FBXO3: variants seen among roughly 807,000 people sequenced by gnomAD.
The protein encoded by FBXO3 is F-box only protein 3.
In FBXO3, 17 loss-of-function variants were observed where a neutral mutation model predicts 64.8. The observed-to-expected ratio is 0.26, with a 90% confidence interval of 0.18 to 0.39. FBXO3 has a LOEUF of 0.39. Among genes scored for constraint, FBXO3 ranks in the 10% least tolerant of loss-of-function variants. FBXO3 has a pLI of 1.00. For missense variants in FBXO3, 420 were observed against 589.9 expected (o/e 0.71, Z 2.98); for synonymous variants, 182 against 201.6 (o/e 0.90, Z 0.82).
At chr11:33,752,989 C>G (rs1855001757) in intron 6 of FBXO3, 1 of 152,102 alleles carries the variant, frequency 6.6e-6, no homozygotes, top group Non-Finnish European at 1.5e-5. Flanking sequence ...CTGACAGATT[C>G]CAGGTTTCTT....
intron 10 of FBXO3, chr11:33,746,099 A>AAAGTTGCTCCT: frequency 6.6e-6 from 1 of 152,372 alleles, no homozygotes; most frequent in South Asian, 2.1e-4. Context: ...TATTAAAGAA[A>AAAGTTGCTCCT]TTAAATTCAA....
intron 7 of FBXO3, among the ~76,000 whole-genome samples, chr11:33,751,072 T>A (rs1210685239): frequency 6.6e-6 from 1 of 152,190 alleles, no homozygotes; most frequent in Non-Finnish European, 1.5e-5. Flanking sequence ...GTATAATCAA[T>A]CTATCATTTC....
intron 1 of FBXO3, chr11:33,773,439 C>T (rs1224162266): frequency 1.3e-5 from 2 of 152,240 alleles, no homozygotes; most frequent in Non-Finnish European, 2.9e-5. Context: ...AGGGCACAAT[C>T]ATCAAATGGC....
Position 33,762,811 on chromosome 11 carries a change from T to G in FBXO3, c.359-4210A>C, listed in dbSNP as rs76643261. On this transcript the variant is annotated intron_variant, in intron 3 of 10. Coordinates refer to ENST00000265651, the MANE Select transcript of FBXO3 (RefSeq NM_012175.4). Reference sequence around the variant, plus strand: ...TAAAAAACAAACATACAGTAAAGGATTGGCAAAGGCAAAAGCCAGCTCTTT... The same window carrying G: ...TAAAAAACAAACATACAGTAAAGGAGTGGCAAAGGCAAAAGCCAGCTCTTT... Among the ~76,000 whole-genome samples the G allele has an allele frequency of 4.9e-3, 744 of 150,752 alleles. 7 individuals are homozygous for G. The highest frequency in any genetic ancestry group is 9.0e-3 in the Non-Finnish European group (607 of 67,782).
chr11:33,747,778 C>A (rs1854853405), intron 9 of FBXO3, among the ~76,000 whole-genome samples: 4 of 151,576 alleles, frequency 2.6e-5, no homozygotes, highest in African/African-American at 7.3e-5. Flanking sequence ...TCCCAAAGTT[C>A]TGGGATATCA....
chr11:33,769,064 C>T (rs781724940), intron 2 of FBXO3, 50 bp from the exon 3 acceptor site: 20 of 1,459,510 alleles, frequency 1.4e-5, no homozygotes, highest in Non-Finnish European at 1.9e-5. Flanking sequence ...ATAATATTAG[C>T]ATTTATTTTA....
At position 33,774,510 on chromosome 11, in the gene FBXO3, G is replaced by T. The variant is rs1031917472; in HGVS notation, c.-13C>A. ...CCATGGCCGCCATCTTGCCTGGCCC[G>T]GTGCAGGTCTGGCCCCGCCCTGGCC... On this transcript the variant is annotated 5_prime_UTR_variant, in exon 1 of 11. Transcript: ENST00000265651. 4.6e-6 allele frequency: 7 copies of T among 1,511,822 alleles called. No homozygotes were observed. Among genetic ancestry groups the T allele is most frequent in the Admixed American group, 2.0e-5 (1 of 49,616 alleles). 93.7% of individuals were successfully genotyped at this position (1,511,822 alleles called of 1,614,324 possible).
chr11:33,750,491 G>T, intron 8 of FBXO3, 48 bp downstream of exon 8: 1 of 1,605,662 alleles, frequency 6.2e-7, no homozygotes, highest in Non-Finnish European at 8.5e-7. Context: ...ATGTCCATTG[G>T]ATATATCCCA....
intron 5 of FBXO3, among the ~76,000 whole-genome samples, chr11:33,755,128 TC>T (rs2133604377): frequency 6.6e-6 from 1 of 152,210 alleles, no homozygotes. Context: ...CGCCTCAGCC[TC>T]CCAAAGTACT....
At chr11:33,742,146 G>A in intron 10 of FBXO3, 62 bp from the exon 11 acceptor site, 4 of 1,404,634 alleles carry the variant, frequency 2.8e-6, no homozygotes, top group South Asian at 1.5e-5. Flanking sequence ...GTTATTTCAT[G>A]TAAATTCTCA....
Position 33,769,138 on chromosome 11 carries a change from T to C in FBXO3, c.195-124A>G, listed in dbSNP as rs1277774300. 5 of 836,504 alleles carry C rather than the reference T, an allele frequency of 6.0e-6. No homozygotes were observed. The East Asian group carries it at 1.5e-4, about 25-fold the overall frequency. 51.8% of individuals were successfully genotyped at this position (836,504 alleles called of 1,614,324 possible). A position where few individuals can be genotyped will look rare whatever the true frequency, so the allele number is the denominator to read the frequency against. ...CTTTTCATTATATTTTAGCCACAAA[T>C]GAAGATCAGATAGCAAAAAGTGATA... On this transcript the variant is annotated intron_variant, in intron 2 of 10. Coordinates refer to ENST00000265651, the MANE Select transcript of FBXO3 (RefSeq NM_012175.4).
intron 10 of FBXO3, chr11:33,746,029 C>CA (rs1444030687): frequency 1.3e-5 from 2 of 151,994 alleles, no homozygotes; most frequent in Non-Finnish European, 1.5e-5. Context: ...ATGGAATGGA[C>CA]AAATTCCTTG....
intron 10 of FBXO3, chr11:33,745,233 A>G (rs1223261563): frequency 6.6e-6 from 1 of 152,132 alleles, no homozygotes; most frequent in Non-Finnish European, 1.5e-5. Context: ...AAAGAGAAAC[A>G]AAAAACTATA....
rs945467663 is a variant in FBXO3, at chr11:33,771,547, T to G, written c.105-717A>C. The G allele has an allele frequency of 1.4e-4, 22 of 152,344 alleles. No individual in the cohort carries two copies. The East Asian group carries it at 4.2e-3, about 29-fold the overall frequency. 9.4% of individuals were successfully genotyped at this position (152,344 alleles called of 1,614,324 possible). A position where few individuals can be genotyped will look rare whatever the true frequency, so the allele number is the denominator to read the frequency against. ...AAAAGAATGAACCTAAGATTAGGAC[T>G]CTATCCTTTCCAGAGAGAAATTACA... On this transcript the variant is annotated intron_variant, in intron 1 of 10. Transcript: ENST00000265651.
intron 3 of FBXO3, among the ~76,000 whole-genome samples, chr11:33,767,990 A>C (rs2133622214): frequency 6.6e-6 from 1 of 152,366 alleles, no homozygotes; most frequent in East Asian, 1.9e-4. Context: ...GATTTGTATG[A>C]AAGTAATATT....
intron 4 of FBXO3, among the ~76,000 whole-genome samples, chr11:33,756,787 G>T (rs1446519272): frequency 6.6e-6 from 1 of 152,090 alleles, no homozygotes; most frequent in African/African-American, 2.4e-5. Flanking sequence ...TGTCACCCAG[G>T]CTGGAGTGCA....
intron 6 of FBXO3, 154 bp downstream of exon 6, chr11:33,754,301 T>C (rs934370412): frequency 1.6e-5 from 9 of 564,554 alleles, no homozygotes; most frequent in Admixed American, 3.7e-5. Flanking sequence ...AATGAAAACC[T>C]AGATGCAGTA....
Position 33,747,099 on chromosome 11 carries a change from TAAATCAGCACTAGAGG to T in FBXO3, c.1239+15_1239+30del. 6.2e-7 allele frequency: 1 copy of T among 1,607,696 alleles called. No individual in the cohort carries two copies. Among genetic ancestry groups the T allele is most frequent in the South Asian group, 1.1e-5 (1 of 90,152 alleles). On this transcript the variant is annotated intron_variant, in intron 10 of 10. Coordinates refer to ENST00000265651, the MANE Select transcript of FBXO3 (RefSeq NM_012175.4). ...GCAGTGTTAACCCTACAAAGTCATG[TAAATCAGCACTAGAGG>T]AAAATTTAACTTACCAATCGGGCTA...
intron 3 of FBXO3, among the ~76,000 whole-genome samples, chr11:33,767,957 C>T (rs533332142): frequency 1.3e-5 from 2 of 152,296 alleles, no homozygotes; most frequent in East Asian, 3.9e-4. Context: ...AATTCAGTTT[C>T]AAGCACCTCG....
Sources: allele counts gnomAD v4.1 joint callset (sites outside exome capture counted in the v4.1 genomes callset), GRCh38; gene constraint gnomAD v4.1.1; transcripts MANE v1.5; gene names NCBI Gene and HGNC (gene_info 2026-07-23, HGNC 2026-07-21).